The following SHISAL2A variants were observed in gnomAD, a reference collection of about 807,000 sequenced individuals.
SHISAL2A encodes the protein protein shisa-like-2A.
Under a neutral mutation model 11.5 loss-of-function variants are expected in SHISAL2A, and 18 were observed. The ratio of observed to expected loss-of-function variants is 1.57; its 90% CI spans 1.08 to 2.33. The LOEUF (loss-of-function observed/expected upper bound fraction) is 2.33, where lower values mean the gene tolerates loss of function less well. Among genes scored for constraint, SHISAL2A ranks in the 30% most tolerant of loss-of-function variants. The pLI, the probability that SHISAL2A is intolerant of heterozygous loss-of-function variation, is 0.00. For synonymous variants in SHISAL2A, 94 were observed against 99.6 expected, an observed-to-expected ratio of 0.94 and a Z score of 0.34; for missense variants, 261 against 250.9, an observed-to-expected ratio of 1.04 and a Z score of -0.27.
chr1:52,643,298 A>C (rs190651625), intron 2 of SHISAL2A, among the ~76,000 whole-genome samples: 6 of 152,350 alleles, frequency 3.9e-5, no homozygotes, highest in Admixed American at 3.9e-4. Flanking sequence ...TGGGGAATGC[A>C]AACTGATTTT....
chr1:52,668,025 A>T (rs975783687), intron 5 of SHISAL2A, among the ~76,000 whole-genome samples: 7 of 152,162 alleles, frequency 4.6e-5, no homozygotes, highest in Admixed American at 2.6e-4. Flanking sequence ...AGCTGTTGGG[A>T]TGAGTACATA....
intron 2 of SHISAL2A, among the ~76,000 whole-genome samples, chr1:52,655,936 G>A (rs1162355224): frequency 6.6e-6 from 1 of 152,208 alleles, no homozygotes; most frequent in East Asian, 1.9e-4. Context: ...GTAGCCTTGA[G>A]GATGGAGAGA....
intron 1 of SHISAL2A, among the ~76,000 whole-genome samples, chr1:52,641,212 G>C (rs375444954): frequency 3.9e-5 from 6 of 152,136 alleles, no homozygotes; most frequent in African/African-American, 1.4e-4. Context: ...TCAGTGAGCT[G>C]TCCTAGCAAA....
downstream of SHISAL2A, among the ~76,000 whole-genome samples, chr1:52,661,415 C>T (rs568062023): frequency 3.9e-5 from 6 of 152,330 alleles, no homozygotes; most frequent in African/African-American, 7.2e-5. Flanking sequence ...ATCTGTCCTC[C>T]GGTCAGGGGG....
Position 52,639,117 on chromosome 1 carries a change from G to C in SHISAL2A, c.183-3746G>C, listed in dbSNP as rs565597725. On this transcript the variant is annotated intron_variant, in intron 1 of 2. Transcript: ENST00000517870. ...GAGCCCGGAAGGTTGAGGTTGCAGT[G>C]AGCCATGATGGTGCCACTGTACTCC... is the stretch of plus-strand genomic sequence containing the variant. Among the ~76,000 whole-genome samples, 31 of 152,078 alleles carry C rather than the reference G, an allele frequency of 2.0e-4. 1 individual carries two copies. The highest frequency in any genetic ancestry group is 1.7e-3 in the Admixed American group (26 of 15,280).
At chr1:52,646,406 C>T (rs1691500810) in intron 2 of SHISAL2A, among the ~76,000 whole-genome samples, 1 of 151,870 alleles carries the variant, frequency 6.6e-6, no homozygotes, top group African/African-American at 2.4e-5. Context: ...AATGTCCCTA[C>T]ATCAAGTACA....
intron 2 of SHISAL2A, among the ~76,000 whole-genome samples, chr1:52,647,243 A>G (rs1259736554): frequency 1.3e-5 from 2 of 152,244 alleles, no homozygotes; most frequent in African/African-American, 4.8e-5. Context: ...AAACAGAAAC[A>G]CACATAGAAA....
At chr1:52,638,164 C>T (rs1357631760) in intron 1 of SHISAL2A, among the ~76,000 whole-genome samples, 5 of 152,128 alleles carry the variant, frequency 3.3e-5, no homozygotes, top group Non-Finnish European at 7.4e-5. Flanking sequence ...GAGACAGTGC[C>T]TGCCCCCTGA....
At chr1:52,658,045 T>A (rs1343106707), downstream of SHISAL2A, among the ~76,000 whole-genome samples, 2 of 17,292 alleles carry the variant, frequency 1.2e-4, no homozygotes, top group African/African-American at 1.3e-3. Flanking sequence ...ACTAGAAGAC[T>A]TTTTTTTTTT....
chr1:52,637,764 C>G (rs1173513977), intron 1 of SHISAL2A, among the ~76,000 whole-genome samples: 1 of 152,138 alleles, frequency 6.6e-6, no homozygotes, highest in East Asian at 1.9e-4. Context: ...TGTGGCAGAA[C>G]CAGGATTTGA....
chr1:52,647,382 A>G (rs939947014), intron 2 of SHISAL2A, among the ~76,000 whole-genome samples: 2 of 152,236 alleles, frequency 1.3e-5, no homozygotes, highest in African/African-American at 4.8e-5. Context: ...TTTGTAGAAT[A>G]TAACTACCGT....
chr1:52,644,077 C>G (rs1303200073), intron 2 of SHISAL2A, among the ~76,000 whole-genome samples: 1 of 152,176 alleles, frequency 6.6e-6, no homozygotes, highest in Non-Finnish European at 1.5e-5. Context: ...GTTTTGATGA[C>G]TTGCTTAAGG....
At chr1:52,643,089 A>G in intron 2 of SHISAL2A, 87 bp downstream of exon 2, 1 of 1,365,954 alleles carries the variant, frequency 7.3e-7, no homozygotes, top group African/African-American at 1.4e-5. Context: ...TGTTTGGAAC[A>G]TTTGCCTCAT....
At chr1:52,645,521 A>G (rs755639787) in intron 2 of SHISAL2A, among the ~76,000 whole-genome samples, 12 of 151,034 alleles carry the variant, frequency 7.9e-5, no homozygotes, top group Non-Finnish European at 1.8e-4. Context: ...TGATTCTCCC[A>G]CCTCATTCTC....
intron 1 of SHISAL2A, among the ~76,000 whole-genome samples, chr1:52,634,554 G>C (rs1302972927): frequency 6.6e-6 from 1 of 152,202 alleles, no homozygotes; most frequent in African/African-American, 2.4e-5. Flanking sequence ...CATTTGTTCA[G>C]GGAAGAGGTT....
chr1:52,643,805 A>G (rs1691426979), intron 2 of SHISAL2A, among the ~76,000 whole-genome samples: 1 of 148,106 alleles, frequency 6.8e-6, no homozygotes, highest in South Asian at 2.3e-4. Context: ...GTGAGCCGAG[A>G]TGGCGCCATT....
intron 1 of SHISAL2A, among the ~76,000 whole-genome samples, chr1:52,638,499 G>T (rs1212151308): frequency 6.6e-6 from 1 of 152,174 alleles, no homozygotes; most frequent in African/African-American, 2.4e-5. Context: ...AATGAAAAGA[G>T]AAAGAAGTCA....
At chr1:52,660,586 G>T (rs1230192806), downstream of SHISAL2A, among the ~76,000 whole-genome samples, 1 of 152,342 alleles carries the variant, frequency 6.6e-6, no homozygotes, top group African/African-American at 2.4e-5. Flanking sequence ...ACATGTGTGT[G>T]TGCCTGCCTG....
intron 2 of SHISAL2A, among the ~76,000 whole-genome samples, chr1:52,646,658 C>T (rs947793500): frequency 7.2e-5 from 11 of 152,106 alleles, no homozygotes; most frequent in Non-Finnish European, 1.2e-4. Context: ...CACAGAGTAG[C>T]AAAAAATTTG....
Sources: gnomAD v4.1 joint callset for allele counts (sites outside exome capture counted in the v4.1 genomes callset) on GRCh38, gnomAD v4.1.1 for gene constraint, MANE v1.5 for transcripts, NCBI Gene and HGNC (gene_info 2026-07-23, HGNC 2026-07-21) for gene names.